Variants in PLCD1 observed in about 807,000 individuals in gnomAD.
PLCD1 encodes phospholipase C delta 1.
A neutral mutation model predicts 87.4 loss-of-function variants in PLCD1; 71 were observed. That is an observed-to-expected ratio of 0.81 (90% CI 0.67 to 0.99). The LOEUF (loss-of-function observed/expected upper bound fraction) is 0.99, where lower values mean the gene tolerates loss of function less well. Ranked by LOEUF, PLCD1 falls within the 50% of genes least tolerant of loss-of-function variation. The pLI is 0.00. For missense variants in PLCD1, 867 were observed against 1,001.5 expected (o/e 0.87, Z 1.81); for synonymous variants, 348 against 399.2 (o/e 0.87, Z 1.53).
intron 1 of PLCD1, 25 bp from the exon 2 acceptor site, chr3:38,020,377 C>A (rs745776971): frequency 6.2e-7 from 1 of 1,610,698 alleles, no homozygotes; most frequent in Non-Finnish European, 8.5e-7. Flanking sequence ...CAGTAAGATG[C>A]CACCTTCTCC....
At chr3:38,020,487 C>T in intron 1 of PLCD1, 135 bp from the exon 2 acceptor site, 1 of 823,062 alleles carries the variant, frequency 1.2e-6, no homozygotes. Context: ...CTGTTTACTC[C>T]TCCCTCCTCC....
rs1699985889 is a variant in PLCD1 at position 38,007,820 on chromosome 3, G to C, written c.2224C>G (p.Gln742Glu). ...HVHLMSKNGD[Q>E]HPSATLFVKI... Reference sequence around the variant, plus strand: ...ACAAAGAGGGTGGCTGATGGATGCTGGTCCCCGTTCTTAGACATGAGGTGG... The same window carrying C: ...ACAAAGAGGGTGGCTGATGGATGCTCGTCCCCGTTCTTAGACATGAGGTGG... Residue 742 changes from glutamine to glutamate, a missense_variant, in exon 15 of 15, where the codon CAG (glutamine) becomes GAG (glutamate). Coordinates refer to ENST00000334661, the MANE Select transcript of PLCD1 (RefSeq NM_006225.4). The C allele has an allele frequency of 8.7e-6, 14 of 1,614,208 alleles. No individual in the cohort carries two copies. The highest frequency in any genetic ancestry group is 1.0e-5 in the Non-Finnish European group (12 of 1,180,010).
Position 38,011,676 on chromosome 3 carries a change from G to C in PLCD1, c.429-3C>G, listed in dbSNP as rs770191251. The C allele has an allele frequency of 8.7e-6, 14 of 1,614,006 alleles. No individual in the cohort carries two copies. In the African/African-American group the frequency reaches 1.3e-4, roughly 15 times the overall value. ...TTCGCAAGCAGGAGTGAATCCAGCT[G>C]GGCAAGAAGTAAGGAAAGAACCCAG... is the stretch of plus-strand genomic sequence containing the variant. On this transcript the variant is annotated splice_polypyrimidine_tract_variant and splice_region_variant and intron_variant, in intron 3 of 14. Transcript: ENST00000334661.
At chr3:38,016,457 G>T in intron 3 of PLCD1, 34 bp downstream of exon 3, 1 of 1,461,784 alleles carries the variant, frequency 6.8e-7, no homozygotes, top group Non-Finnish European at 9.6e-7. Context: ...GTGTCCACAA[G>T]CCAGGCCTGG....
rs950130935 is a variant in PLCD1 at position 38,010,209 on chromosome 3, G to A, written c.1059C>T (p.Ile353=). The A allele has an allele frequency of 6.2e-7, 1 of 1,614,116 alleles. No individual in the cohort carries two copies. Among genetic ancestry groups the A allele is most frequent in the Non-Finnish European group, 8.5e-7 (1 of 1,180,038 alleles). The change falls in exon 7 of 15, where the codon ATC becomes ATT. Residue 353 remains isoleucine (I), a synonymous_variant. Transcript: ENST00000334661. ...AAGTGAAAGTATAGCCGTGGTAGAT[G>A]ATTGGTTCCTGGTTGGGCCCGTCCC... ...DCWDGPNQEP[I]IYHGYTFTSK... is the part of the protein sequence containing the mutation.
chr3:38,015,307 C>A (rs1406523300), intron 3 of PLCD1, among the ~76,000 whole-genome samples: 1 of 152,170 alleles, frequency 6.6e-6, no homozygotes, highest in East Asian at 1.9e-4. Context: ...ATATTGCAAA[C>A]ATCACGCTAA....
intron 1 of PLCD1, chr3:38,024,253 C>A: frequency 8.0e-7 from 1 of 1,252,394 alleles, no homozygotes; most frequent in Non-Finnish European, 1.1e-6. Flanking sequence ...CAAATGGCCC[C>A]GCGTTAAGGG....
chr3:38,016,585 C>T lies in PLCD1; in HGVS notation c.334G>A (p.Ala112Thr), dbSNP rs868105495. 11 of 1,613,774 alleles carry T rather than the reference C, an allele frequency of 6.8e-6. No individual in the cohort carries two copies. The highest frequency in any genetic ancestry group is 5.0e-5 in the Admixed American group (3 of 59,992). The change falls in exon 3 of 15, where the codon GCC (alanine) becomes ACC (threonine). Residue 112 changes from alanine (A) to threonine (T), a missense_variant. Ala to Thr is a moderately conservative substitution (Grantham distance 58). Transcript: ENST00000334661. ...TGCTGGGCATCAGCTGGCGATGGGGCGATGAGGTCTAGTGTATTGCGCTGG... is the reference window on the plus strand; with the variant it reads ...TGCTGGGCATCAGCTGGCGATGGGGTGATGAGGTCTAGTGTATTGCGCTGG... ...KDQRNTLDLI[A>T]PSPADAQHWV...
At chr3:38,022,556 A>G (rs996244888) in intron 1 of PLCD1, among the ~76,000 whole-genome samples, 1 of 152,196 alleles carries the variant, frequency 6.6e-6, no homozygotes, top group Admixed American at 6.5e-5. Flanking sequence ...CCTGTTCTGG[A>G]AAACACCATG....
chr3:38,008,682 GC>G (rs878902706), intron 11 of PLCD1, 46 bp from the exon 12 acceptor site: 1 of 1,568,956 alleles, frequency 6.4e-7, no homozygotes. Context: ...TGGCCCTGGG[GC>G]CCTAGAGCAC....
chr3:38,013,712 C>T (rs1461853307), intron 3 of PLCD1, among the ~76,000 whole-genome samples: 2 of 152,178 alleles, frequency 1.3e-5, no homozygotes, highest in African/African-American at 4.8e-5. Context: ...AAGGTCTAGG[C>T]AGCAGGACTC....
rs760252471 is a variant in PLCD1 at position 38,011,255 on chromosome 3, A to G, written c.749T>C (p.Leu250Pro). The G allele has an allele frequency of 1.2e-6, 2 of 1,611,222 alleles. No individual in the cohort carries two copies. The highest frequency in any genetic ancestry group is 3.3e-5 in the Admixed American group (2 of 60,024). The part of the protein sequence containing the change: ...QQREEAAGPA[L>P]ALSLIERYEP... ...GTAGCGCTCAATGAGGGAGAGGGCC[A>G]GCGCAGGCCCTGCCGCCTCCTCCCG... is the stretch of plus-strand genomic sequence containing the variant. The change falls in exon 5 of 15, where the codon CTG becomes CCG. Residue 250 changes from leucine to proline, a missense_variant. Physicochemically the swap from Leu to Pro is moderately conservative, Grantham distance 98. Coordinates refer to ENST00000334661, the MANE Select transcript of PLCD1 (RefSeq NM_006225.4).
rs763812576 is a variant in PLCD1, at chr3:38,007,656, G to A, written c.*117C>T. On this transcript the variant is annotated 3_prime_UTR_variant, in exon 15 of 15. Transcript: ENST00000334661. ...CAGCAGACACTATGTTAGGGCTGAAGGCAATTTGGGGGCCTAGCTCTGAGC... is the reference window on the plus strand; with the variant it reads ...CAGCAGACACTATGTTAGGGCTGAAAGCAATTTGGGGGCCTAGCTCTGAGC... 3.6e-5 allele frequency: 29 copies of A among 796,620 alleles called. No homozygotes were observed. Among genetic ancestry groups the A allele is most frequent in the Non-Finnish European group, 2.2e-6 (1 of 458,516 alleles). 49.3% of individuals were successfully genotyped at this position (796,620 alleles called of 1,614,324 possible). A position where few individuals can be genotyped will look rare whatever the true frequency, so the allele number is the denominator to read the frequency against.
Position 38,012,612 on chromosome 3 carries a change from A to G in PLCD1, c.429-939T>C, listed in dbSNP as rs190899930. On this transcript the variant is annotated intron_variant, in intron 3 of 14. Coordinates refer to ENST00000334661, the MANE Select transcript of PLCD1 (RefSeq NM_006225.4). Reference sequence around the variant, plus strand: ...GCTCACTGCAACCTCTGCCCTCTGGATTCAAGCAATTCTCCTGCCCTAGCC... The same window carrying G: ...GCTCACTGCAACCTCTGCCCTCTGGGTTCAAGCAATTCTCCTGCCCTAGCC... Among the ~76,000 whole-genome samples the G allele has an allele frequency of 8.0e-3, 1,172 of 146,962 alleles. 12 individuals carry two copies. The highest frequency in any genetic ancestry group is 0.028 in the African/African-American group (1,110 of 39,572).
At position 38,016,565 on chromosome 3, in the gene PLCD1, G is replaced by A. The variant is rs1700157961; in HGVS notation, c.354C>T (p.Ala118=). 1.9e-6 allele frequency: 3 copies of A among 1,614,038 alleles called. No individual in the cohort carries two copies. The East Asian group carries it at 6.7e-5, about 36-fold the overall frequency. The change falls in exon 3 of 15, where the codon GCC becomes GCT. Residue 118 remains alanine, a synonymous_variant. Coordinates refer to ENST00000334661, the MANE Select transcript of PLCD1 (RefSeq NM_006225.4). ...TGTGCAGCCCCAGCACCCAGTGCTG[G>A]GCATCAGCTGGCGATGGGGCGATGA... ...LDLIAPSPAD[A]QHWVLGLHKI...
At position 38,008,253 on chromosome 3, in the gene PLCD1, C is replaced by A; in HGVS notation, c.2017G>T (p.Ala673Ser). The A allele has an allele frequency of 6.2e-7, 1 of 1,614,138 alleles. No individual in the cohort carries two copies. Among genetic ancestry groups the A allele is most frequent in the South Asian group, 1.1e-5 (1 of 91,090 alleles). Residue 673 changes from alanine (A) to serine (S), a missense_variant, in exon 13 of 15, where the codon GCT (alanine) becomes TCT (serine). Physicochemically the swap from Ala to Ser is moderately conservative, Grantham distance 99. Transcript: ENST00000334661. Reference protein sequence around the residue: ...VSRDVASRQTAVITNNGFNPW... With the variant: ...VSRDVASRQTSVITNNGFNPW... ...CACCTACCATTGTTGGTGATGACAG[C>A]AGTCTGGCGGCTGGCCACGTCCCGG...
intron 2 of PLCD1, 94 bp downstream of exon 2, chr3:38,020,094 T>C: frequency 1.7e-6 from 2 of 1,144,670 alleles, no homozygotes; most frequent in Middle Eastern, 2.7e-4. Context: ...AGTTTCCCCA[T>C]CTGTGGTTTT....
chr3:38,013,510 G>A (rs766741529), intron 3 of PLCD1, among the ~76,000 whole-genome samples: 21 of 152,276 alleles, frequency 1.4e-4, no homozygotes, highest in Middle Eastern at 3.4e-3. Context: ...ACTGCGCCCC[G>A]CCCGGATTTT....
intron 1 of PLCD1, among the ~76,000 whole-genome samples, chr3:38,020,778 G>C (rs372830129): frequency 1.3e-5 from 2 of 152,306 alleles, no homozygotes; most frequent in East Asian, 3.9e-4. Context: ...ACTGAAGGAA[G>C]CTGGGATCAA....
Sources: gnomAD v4.1 joint callset for allele counts (sites outside exome capture counted in the v4.1 genomes callset) on GRCh38, gnomAD v4.1.1 for gene constraint, MANE v1.5 for transcripts, NCBI Gene and HGNC (gene_info 2026-07-23, HGNC 2026-07-21) for gene names.